BBX: variants seen among roughly 807,000 people sequenced by gnomAD.
BBX encodes HMG box transcription factor BBX.
Under a neutral mutation model 100.2 loss-of-function variants are expected in BBX, and 30 were observed. The ratio of observed to expected loss-of-function variants is 0.30; its 90% confidence interval spans 0.22 to 0.41. BBX has a LOEUF of 0.41. Ranked by LOEUF, BBX falls within the 10% of genes least tolerant of loss-of-function variation. BBX has a pLI of 1.00. For synonymous variants in BBX, 376 were observed against 388.1 expected (o/e 0.97, Z 0.37); for missense variants, 1,023 against 1,129.8 (o/e 0.91, Z 1.35).
At chr3:107,741,393 A>G (rs2064097443) in intron 7 of BBX, among the ~76,000 whole-genome samples, 1 of 152,206 alleles carries the variant, frequency 6.6e-6, no homozygotes, top group South Asian at 2.1e-4. Context: ...TGAGAATTAT[A>G]ACTAAATCAA....
intron 2 of BBX, among the ~76,000 whole-genome samples, chr3:107,627,045 A>G (rs536812716): frequency 1.3e-5 from 2 of 152,286 alleles, no homozygotes; most frequent in Admixed American, 6.5e-5. Flanking sequence ...GTCTTGAATG[A>G]TCTGGCCTCA....
chr3:107,713,929 T>A (rs1034797391), intron 4 of BBX, among the ~76,000 whole-genome samples: 1 of 151,568 alleles, frequency 6.6e-6, no homozygotes, highest in Non-Finnish European at 1.5e-5. Flanking sequence ...TCTCCTTTTT[T>A]TAATTTGTAA....
At chr3:107,539,266 A>G (rs1169127818) in intron 2 of BBX, among the ~76,000 whole-genome samples, 1 of 152,220 alleles carries the variant, frequency 6.6e-6, no homozygotes, top group African/African-American at 2.4e-5. Flanking sequence ...GCAGAATAAA[A>G]AGGCAGCAGC....
intron 15 of BBX, among the ~76,000 whole-genome samples, chr3:107,796,470 T>C (rs552875777): frequency 1.3e-5 from 2 of 152,330 alleles, no homozygotes; most frequent in Admixed American, 6.5e-5. Flanking sequence ...GGTGATTCTA[T>C]TGGAGAGGTA....
At position 107,647,175 on chromosome 3, in the gene BBX, C is replaced by T. The variant is rs545050573; in HGVS notation, c.-10+1266C>T. On this transcript the variant is annotated intron_variant, in intron 3 of 17. Transcript: ENST00000325805. ...GGTTTTACTGAGTCAGGAGTATAGA[C>T]TATGGAATTTTCAAAAATTGATACT... 7.9e-5 allele frequency among the ~76,000 whole-genome samples: 12 copies of T among 152,148 alleles called. No individual in the cohort carries two copies. The East Asian group carries it at 1.9e-3, about 24-fold the overall frequency.
intron 2 of BBX, among the ~76,000 whole-genome samples, chr3:107,537,011 C>G (rs567169744): frequency 1.3e-5 from 2 of 152,070 alleles, no homozygotes; most frequent in Non-Finnish European, 1.5e-5. Flanking sequence ...TGTGTTTGCC[C>G]GTTAAGTCTG....
intron 3 of BBX, among the ~76,000 whole-genome samples, chr3:107,701,686 T>G (rs2061065408): frequency 6.6e-6 from 1 of 152,222 alleles, no homozygotes; most frequent in Non-Finnish European, 1.5e-5. Flanking sequence ...TGTCTTCCTG[T>G]GCTTTGAGTT....
intron 2 of BBX, among the ~76,000 whole-genome samples, chr3:107,584,672 CTTTTTTTTTTTTTTTTT>C (rs58393281): frequency 3.2e-3 from 91 of 28,378 alleles, no homozygotes; most frequent in Middle Eastern, 0.026. Context: ...CCGTTGAAAT[CTTTTTTTTTTTTTTTTT>C]TTTTTTTTTT....
chr3:107,608,663 A>G (rs1272119066), intron 2 of BBX, among the ~76,000 whole-genome samples: 2 of 152,162 alleles, frequency 1.3e-5, no homozygotes, highest in East Asian at 3.9e-4. Flanking sequence ...TAGTATGGAC[A>G]TTTTAATAAT....
rs928146661 is a variant in BBX, at chr3:107,789,784, T to C, written c.2204-3T>C. The C allele has an allele frequency of 2.7e-6, 4 of 1,509,100 alleles. No individual in the cohort carries two copies. The highest frequency in any genetic ancestry group is 1.2e-5 in the South Asian group (1 of 82,274). 93.5% of individuals were successfully genotyped at this position (1,509,100 alleles called of 1,614,324 possible). The stretch of plus-strand genomic sequence containing the variant: ...AATATATTTATATTAATATTGTCTG[T>C]AGGTCCTTTCCAGTCTCAGAAAAAG... On this transcript the variant is annotated splice_region_variant and splice_polypyrimidine_tract_variant and intron_variant, in intron 13 of 17. Coordinates refer to ENST00000325805, the MANE Select transcript of BBX (RefSeq NM_001142568.3).
chr3:107,586,039 T>C (rs2052810804), intron 2 of BBX, among the ~76,000 whole-genome samples: 1 of 152,176 alleles, frequency 6.6e-6, no homozygotes, highest in Non-Finnish European at 1.5e-5. Context: ...CATATAACTG[T>C]ATTGTTAAAT....
chr3:107,724,949 G>T (rs1044981150), intron 5 of BBX, among the ~76,000 whole-genome samples: 8 of 152,152 alleles, frequency 5.3e-5, no homozygotes, highest in East Asian at 1.9e-4. Context: ...GTGAAGAAAG[G>T]CATTGGTAGC....
intron 15 of BBX, among the ~76,000 whole-genome samples, chr3:107,791,968 T>G (rs1054793750): frequency 2.0e-5 from 3 of 152,158 alleles, no homozygotes; most frequent in African/African-American, 7.2e-5. Context: ...ACCACTGCAC[T>G]CCAGCCTGGG....
intron 1 of BBX, among the ~76,000 whole-genome samples, chr3:107,525,021 C>A (rs901043255): frequency 2.0e-5 from 3 of 151,100 alleles, no homozygotes; most frequent in African/African-American, 7.3e-5. Flanking sequence ...GAGGGGCGTT[C>A]TTCGCCATCT....
At chr3:107,601,277 C>G (rs960618014) in intron 2 of BBX, among the ~76,000 whole-genome samples, 5 of 152,114 alleles carry the variant, frequency 3.3e-5, no homozygotes, top group African/African-American at 1.2e-4. Context: ...CCTGTAGTGG[C>G]TTTTAAGTGT....
At chr3:107,539,281 G>A (rs1425010369) in intron 2 of BBX, among the ~76,000 whole-genome samples, 1 of 152,150 alleles carries the variant, frequency 6.6e-6, no homozygotes, top group African/African-American at 2.4e-5. Flanking sequence ...AGCAGCTCTG[G>A]TCTCAGGATA....
chr3:107,529,122 A>G (rs1475618825), intron 2 of BBX, among the ~76,000 whole-genome samples: 1 of 152,228 alleles, frequency 6.6e-6, no homozygotes, highest in Non-Finnish European at 1.5e-5. Flanking sequence ...TTAAAAAAGT[A>G]TATAAAATGT....
chr3:107,713,703 T>G (rs2107339300), intron 4 of BBX, among the ~76,000 whole-genome samples: 1 of 152,224 alleles, frequency 6.6e-6, no homozygotes, highest in African/African-American at 2.4e-5. Flanking sequence ...AAACTGCTGG[T>G]TTACAGGATC....
At chr3:107,717,317 G>A (rs1389498372) in intron 5 of BBX, among the ~76,000 whole-genome samples, 6 of 152,116 alleles carry the variant, frequency 3.9e-5, no homozygotes, top group East Asian at 3.9e-4. Context: ...AAAGAGCCTT[G>A]ATCTAGTTCT....
Sources: allele counts gnomAD v4.1 joint callset (sites outside exome capture counted in the v4.1 genomes callset), GRCh38; gene constraint gnomAD v4.1.1; transcripts MANE v1.5; gene names NCBI Gene and HGNC (gene_info 2026-07-23, HGNC 2026-07-21).